SRGAP3: variants seen among roughly 807,000 people sequenced by gnomAD.
SRGAP3 encodes the protein SLIT-ROBO Rho GTPase activating protein 3, also known as SLIT-ROBO Rho GTPase-activating protein 3.
Under a neutral mutation model 121.1 loss-of-function variants are expected in SRGAP3, and 39 were observed. That is an observed-to-expected ratio of 0.32 (90% CI 0.25 to 0.42). SRGAP3 has a LOEUF of 0.42. SRGAP3 is among the 10% of genes least tolerant of loss of function. The pLI is 1.00. For missense variants in SRGAP3, 1,213 were observed against 1,470.6 expected, an observed-to-expected ratio of 0.82 and a Z score of 2.86; for synonymous variants, 601 against 570.0, an observed-to-expected ratio of 1.05 and a Z score of -0.77.
chr3:9,186,321 T>C (rs1951593821), intron 1 of SRGAP3, among the ~76,000 whole-genome samples: 1 of 152,194 alleles, frequency 6.6e-6, no homozygotes, highest in African/African-American at 2.4e-5. Context: ...TGTCTCTCTA[T>C]TACAATATTT....
intron 1 of SRGAP3, among the ~76,000 whole-genome samples, chr3:9,166,910 C>T (rs1041417512): frequency 6.6e-6 from 1 of 152,174 alleles, no homozygotes; most frequent in Non-Finnish European, 1.5e-5. Flanking sequence ...CATATGGCCC[C>T]ACCCTGACCT....
At chr3:9,045,666 C>T (rs1387286004) in intron 10 of SRGAP3, among the ~76,000 whole-genome samples, 1 of 152,192 alleles carries the variant, frequency 6.6e-6, no homozygotes, top group African/African-American at 2.4e-5. Context: ...AGCAAAGGGC[C>T]TCTTTATTCA....
chr3:9,015,609 T>C lies in SRGAP3; in HGVS notation c.1801A>G (p.Ile601Val), dbSNP rs762818205. Residue 601 changes from isoleucine to valine, a missense_variant, in exon 15 of 22, where the codon ATA becomes GTA. Ile to Val is a conservative substitution (Grantham distance 29). This residue lies in a region of SRGAP3 where 793 missense variants were observed against 1,032.9 expected (regional missense o/e 0.77). Transcript: ENST00000383836. ...LFPKERFQDL[I>V]STIKLENPAE... is the part of the protein sequence containing the mutation. ...GGGAAATACTTACTAATAGTAGATA[T>C]CAAATCTTGAAACCTTTCCTTAGGA... 2.6e-5 allele frequency: 42 copies of C among 1,614,042 alleles called. No individual in the cohort carries two copies. The highest frequency in any genetic ancestry group is 3.2e-5 in the Non-Finnish European group (38 of 1,180,036).
At chr3:9,293,289 A>G (rs902086068) in intron 3 of SRGAP3, 1 of 152,170 alleles carries the variant, frequency 6.6e-6, no homozygotes, top group African/African-American at 2.4e-5. Context: ...TCACCAGGAG[A>G]TGATTCCATT....
Position 9,209,203 on chromosome 3 carries a change from CAT to C in SRGAP3, c.67+39680_67+39681del, listed in dbSNP as rs201200835. ...GTTCACAGGGGTTTCTCTCCTAACACATATGATTACTTAAAAATGTAAAACAT... is the reference window on the plus strand; with the variant it reads ...GTTCACAGGGGTTTCTCTCCTAACACATGATTACTTAAAAATGTAAAACAT... On this transcript the variant is annotated intron_variant, in intron 1 of 21. Coordinates refer to ENST00000383836, the MANE Select transcript of SRGAP3 (RefSeq NM_014850.4). Among the ~76,000 whole-genome samples, 21 of 152,330 alleles carry C rather than the reference CAT, an allele frequency of 1.4e-4. No individual in the cohort carries two copies. The East Asian group carries it at 3.9e-3, about 28-fold the overall frequency.
At chr3:9,063,609 T>C (rs1201741787) in intron 5 of SRGAP3, among the ~76,000 whole-genome samples, 1 of 152,116 alleles carries the variant, frequency 6.6e-6, no homozygotes, top group Non-Finnish European at 1.5e-5. Flanking sequence ...AAAGTGCTGA[T>C]ATTACAGGCA....
intron 1 of SRGAP3, among the ~76,000 whole-genome samples, chr3:9,211,136 G>C (rs1574875917): frequency 6.6e-6 from 1 of 152,278 alleles, no homozygotes; most frequent in East Asian, 1.9e-4. Context: ...GTAAGGTGTT[G>C]AGGGGGGAGA....
chr3:9,098,056 C>T lies in SRGAP3; in HGVS notation c.423+6624G>A, dbSNP rs531050371. Among the ~76,000 whole-genome samples, 131 of 152,252 alleles carry T rather than the reference C, an allele frequency of 8.6e-4. 2 individuals carry two copies. Among genetic ancestry groups the T allele is most frequent in the Admixed American group, 7.8e-4 (12 of 15,300 alleles). On this transcript the variant is annotated intron_variant, in intron 3 of 21. Transcript: ENST00000383836. ...TGATAGATCCTAATTATTTGAGGCTCGCTTCAAATGCTGCTTCCCCCACCT... is the reference window on the plus strand; with the variant it reads ...TGATAGATCCTAATTATTTGAGGCTTGCTTCAAATGCTGCTTCCCCCACCT...
intron 1 of SRGAP3, among the ~76,000 whole-genome samples, chr3:9,170,042 G>T (rs894878591): frequency 5.9e-5 from 9 of 152,194 alleles, no homozygotes; most frequent in Non-Finnish European, 1.2e-4. Context: ...GTTGACATTT[G>T]TTAAGAGGAC....
At chr3:9,024,721 T>G (rs573309869) in intron 14 of SRGAP3, among the ~76,000 whole-genome samples, 9 of 152,334 alleles carry the variant, frequency 5.9e-5, no homozygotes, top group Non-Finnish European at 1.2e-4. Context: ...TTCCCCGCAA[T>G]GTGTGGCTTG....
At chr3:9,009,019 G>C (rs1314818771) in intron 18 of SRGAP3, among the ~76,000 whole-genome samples, 1 of 152,214 alleles carries the variant, frequency 6.6e-6, no homozygotes, top group African/African-American at 2.4e-5. Flanking sequence ...AGAAGACAGA[G>C]ACAAAGTGCT....
At chr3:9,337,670 C>T (rs1221720196) in intron 1 of SRGAP3, 1 of 152,328 alleles carries the variant, frequency 6.6e-6, no homozygotes, top group East Asian at 1.9e-4. Context: ...ACTTTCCAGC[C>T]TCAAGAACTG....
At position 9,231,382 on chromosome 3, in the gene SRGAP3, G is replaced by A. The variant is rs141257344; in HGVS notation, c.67+17503C>T. On this transcript the variant is annotated intron_variant, in intron 1 of 21. Coordinates refer to ENST00000383836, the MANE Select transcript of SRGAP3 (RefSeq NM_014850.4). ...GGCAGTAATGAGGATGGAAGGATGC[G>A]GTTCTGTCTCTTTAGAAAACTGGGC... Among the ~76,000 whole-genome samples, 198 of 152,144 alleles carry A rather than the reference G, an allele frequency of 1.3e-3. 3 individuals are homozygous for A. The East Asian group carries it at 0.022, about 17-fold the overall frequency.
intron 1 of SRGAP3, among the ~76,000 whole-genome samples, chr3:9,213,484 A>G (rs1327920977): frequency 6.6e-6 from 1 of 152,194 alleles, no homozygotes; most frequent in East Asian, 1.9e-4. Flanking sequence ...CCTGAGCTTC[A>G]CGCCACATGC....
At chr3:9,228,052 G>C (rs982819806) in intron 1 of SRGAP3, among the ~76,000 whole-genome samples, 1 of 152,112 alleles carries the variant, frequency 6.6e-6, no homozygotes, top group African/African-American at 2.4e-5. Context: ...ATCATAGTTT[G>C]AGACAGAAAA....
At chr3:9,298,251 T>A (rs1954986222) in intron 3 of SRGAP3, among the ~76,000 whole-genome samples, 2 of 152,218 alleles carry the variant, frequency 1.3e-5, no homozygotes, top group East Asian at 3.8e-4. Context: ...GCACACAGTA[T>A]GTGCTCAAGA....
intron 3 of SRGAP3, among the ~76,000 whole-genome samples, chr3:9,310,032 T>C (rs566308298): frequency 6.6e-6 from 1 of 152,296 alleles, no homozygotes; most frequent in East Asian, 1.9e-4. Context: ...CCTAACAAAC[T>C]GGTGGAATTA....
rs748179281 is a variant in SRGAP3, at chr3:8,993,012, C to T, written c.2452G>A (p.Glu818Lys). The T allele has an allele frequency of 1.7e-5, 27 of 1,614,222 alleles. No homozygotes were observed. Among genetic ancestry groups the T allele is most frequent in the Non-Finnish European group, 2.1e-5 (25 of 1,180,038 alleles). The part of the protein sequence containing the change: ...SDSLSQKADS[E>K]ASSGPLLDDK... ...TCCAGCAATGGCCCACTGCTGGCCT[C>T]GCTGTCAGCCTTCTGGCTCAGGCTG... The change falls in exon 20 of 22, where the codon GAG becomes AAG. Residue 818 changes from glutamate to lysine, a missense_variant. By Grantham distance (56) the Glu-to-Lys change is moderately conservative. Around this residue, in one of 2 missense-constraint regions of SRGAP3, gnomAD observed 420 missense variants for 437.7 expected, o/e 0.96. Transcript: ENST00000383836.
In SRGAP3 at chr3:9,141,550, A is replaced by AGG. The variant is rs1354567563; in HGVS notation, c.68-16635_68-16634dup. On this transcript the variant is annotated intron_variant, in intron 1 of 21. Transcript: ENST00000383836. ...AAAGAAACAAGAAGGATCTGACTTCAGGGGTGTGTGTGTGTGTGTGTGTGT... is the reference window on the plus strand; with the variant it reads ...AAAGAAACAAGAAGGATCTGACTTCAGGGGGGTGTGTGTGTGTGTGTGTGTGT... 7.4e-4 allele frequency among the ~76,000 whole-genome samples: 87 copies of AGG among 117,046 alleles called. 1 individual carries two copies. The highest frequency in any genetic ancestry group is 2.7e-3 in the African/African-American group (61 of 22,994). 76.8% of individuals were successfully genotyped at this position (117,046 alleles called of 152,430 possible). A position where few individuals can be genotyped will look rare whatever the true frequency, so the allele number is the denominator to read the frequency against.
Sources: allele counts gnomAD v4.1 joint callset (sites outside exome capture counted in the v4.1 genomes callset), GRCh38; gene constraint gnomAD v4.1.1; regional missense constraint gnomAD v4.1.1; transcripts MANE v1.5; gene names NCBI Gene and HGNC (gene_info 2026-07-23, HGNC 2026-07-21).